Variants in TMPRSS12 observed in about 807,000 individuals in gnomAD.
TMPRSS12 encodes the protein transmembrane serine protease 12.
TMPRSS12 carries 25 observed loss-of-function variants against 26.0 expected under a neutral mutation model. The observed-to-expected ratio is 0.96, with a 90% CI of 0.70 to 1.34. The LOEUF is 1.34. Among genes scored for constraint, TMPRSS12 ranks in the 40% most tolerant of loss-of-function variants. TMPRSS12 has a pLI of 0.00. For missense variants in TMPRSS12, 441 were observed against 440.1 expected (o/e 1.00, Z -0.02); for synonymous variants, 150 against 161.7 (o/e 0.93, Z 0.55).
At chr12:50,845,080 G>C (rs1364341994) in intron 2 of TMPRSS12, among the ~76,000 whole-genome samples, 1 of 152,130 alleles carries the variant, frequency 6.6e-6, no homozygotes, top group East Asian at 1.9e-4. Context: ...GAAAACAAGA[G>C]ACATGCCAGA....
intron 3 of TMPRSS12, among the ~76,000 whole-genome samples, chr12:50,876,242 C>G (rs572327367): frequency 6.6e-6 from 1 of 151,864 alleles, no homozygotes; most frequent in South Asian, 2.1e-4. Context: ...CTAAAAAAAC[C>G]AAAAAACATG....
In TMPRSS12 at chr12:50,847,137, C is replaced by T. The variant is rs1384066697; in HGVS notation, c.383+3100C>T. Among the ~76,000 whole-genome samples, 4 of 146,118 alleles carry T rather than the reference C, an allele frequency of 2.7e-5. No homozygotes were observed. The South Asian group carries it at 8.7e-4, about 32-fold the overall frequency. ...GCAGTGGCGCGATCTCGGCTCACTGCAAGCTCCGCCTCCCGGGTTCAGGCC... is the reference window on the plus strand; with the variant it reads ...GCAGTGGCGCGATCTCGGCTCACTGTAAGCTCCGCCTCCCGGGTTCAGGCC... On this transcript the variant is annotated intron_variant, in intron 2 of 4. Coordinates refer to ENST00000398458, the MANE Select transcript of TMPRSS12 (RefSeq NM_182559.3).
chr12:50,884,630 G>A (rs1192381735), intron 3 of TMPRSS12, among the ~76,000 whole-genome samples: 1 of 152,070 alleles, frequency 6.6e-6, no homozygotes, highest in East Asian at 1.9e-4. Context: ...CTAGCACTTT[G>A]GGAGGCCGAG....
intron 3 of TMPRSS12, among the ~76,000 whole-genome samples, chr12:50,877,841 C>T (rs941219296): frequency 5.3e-5 from 8 of 152,156 alleles, no homozygotes; most frequent in African/African-American, 1.7e-4. Context: ...AACTCCTGGC[C>T]TCAAGTGATC....
chr12:50,877,330 C>T (rs1034991947), intron 3 of TMPRSS12, among the ~76,000 whole-genome samples: 1 of 152,130 alleles, frequency 6.6e-6, no homozygotes, highest in African/African-American at 2.4e-5. Flanking sequence ...GAATGCTTTC[C>T]CTATAAAATC....
chr12:50,871,523 A>T (rs1297294228), intron 3 of TMPRSS12, among the ~76,000 whole-genome samples: 1 of 152,214 alleles, frequency 6.6e-6, no homozygotes. Context: ...ACCCTTCTAG[A>T]TATTGGCTTA....
chr12:50,874,805 C>A (rs1938097599), intron 3 of TMPRSS12, among the ~76,000 whole-genome samples: 1 of 151,690 alleles, frequency 6.6e-6, no homozygotes, highest in Admixed American at 6.6e-5. Flanking sequence ...AATGCGATGT[C>A]ATTTAAAATA....
Position 50,887,303 on chromosome 12 carries a change from T to C in TMPRSS12, c.837T>C (p.Tyr279=), listed in dbSNP as rs754724121. 5.6e-6 allele frequency: 9 copies of C among 1,613,756 alleles called. No individual in the cohort carries two copies. Residue 279 remains tyrosine, a synonymous_variant, in exon 5 of 5, where the codon TAT becomes TAC. Transcript: ENST00000398458. ...CATTAATGTGCTACTTACCAGAATATAAAAGATTTTTTGTAATGGGAATTA... is the reference window on the plus strand; with the variant it reads ...CATTAATGTGCTACTTACCAGAATACAAAAGATTTTTTGTAATGGGAATTA... ...GGPLMCYLPE[Y]KRFFVMGITS... is the part of the protein sequence containing the mutation.
At chr12:50,849,310 A>T (rs552146266) in intron 2 of TMPRSS12, among the ~76,000 whole-genome samples, 14 of 152,316 alleles carry the variant, frequency 9.2e-5, no homozygotes, top group Non-Finnish European at 2.1e-4. Context: ...CCTAACTCAC[A>T]TTAGTAGAAA....
At position 50,858,873 on chromosome 12, in the gene TMPRSS12, A is replaced by AT; in HGVS notation, c.474dup (p.Ile159TyrfsTer13). On this transcript the variant is annotated frameshift_variant, in exon 3 of 5. Transcript: ENST00000398458. LOFTEE classifies it high-confidence loss of function. ...CAAGAAGATAAAAATTAAAGCAATCATTATTCATCCAAACTTCATTTTGGA... is the reference window on the plus strand; with the variant it reads ...CAAGAAGATAAAAATTAAAGCAATCATTTATTCATCCAAACTTCATTTTGGA... 6.3e-7 allele frequency: 1 copy of AT among 1,598,346 alleles called. No individual in the cohort carries two copies. The highest frequency in any genetic ancestry group is 8.5e-7 in the Non-Finnish European group (1 of 1,171,390).
chr12:50,858,302 A>G (rs1282586289), intron 2 of TMPRSS12, among the ~76,000 whole-genome samples: 2 of 152,196 alleles, frequency 1.3e-5, no homozygotes, highest in African/African-American at 2.4e-5. Flanking sequence ...TGTTTCACCT[A>G]TACCCTCACC....
chr12:50,847,311 C>T, intron 2 of TMPRSS12, among the ~76,000 whole-genome samples: 1 of 152,006 alleles, frequency 6.6e-6, no homozygotes, highest in South Asian at 2.1e-4. Flanking sequence ...CCCGTCTCGG[C>T]CTCCCAAAGT....
At chr12:50,880,833 T>C (rs1194655221) in intron 3 of TMPRSS12, among the ~76,000 whole-genome samples, 1 of 151,960 alleles carries the variant, frequency 6.6e-6, no homozygotes, top group East Asian at 1.9e-4. Flanking sequence ...TATCCTGCAA[T>C]ATAGATGAAC....
At chr12:50,865,018 C>T (rs180734703) in intron 3 of TMPRSS12, among the ~76,000 whole-genome samples, 80 of 152,174 alleles carry the variant, frequency 5.3e-4, no homozygotes, top group Non-Finnish European at 1.0e-3. Context: ...AAATGAAAAA[C>T]GTAATTGCTA....
intron 3 of TMPRSS12, among the ~76,000 whole-genome samples, chr12:50,864,743 C>T (rs1287947189): frequency 2.6e-5 from 4 of 152,088 alleles, no homozygotes; most frequent in African/African-American, 7.2e-5. Flanking sequence ...CTGCAAGCTC[C>T]ACCTCCAGGG....
At chr12:50,849,412 A>G (rs1404333110) in intron 2 of TMPRSS12, among the ~76,000 whole-genome samples, 4 of 152,226 alleles carry the variant, frequency 2.6e-5, no homozygotes, top group Non-Finnish European at 5.9e-5. Context: ...ATGCAGTAAA[A>G]TTCACCTTTT....
intron 3 of TMPRSS12, among the ~76,000 whole-genome samples, chr12:50,873,247 C>T (rs929295214): frequency 6.6e-6 from 1 of 152,048 alleles, no homozygotes; most frequent in South Asian, 2.1e-4. Flanking sequence ...GTATACTTCT[C>T]AGGTGATGGT....
intron 2 of TMPRSS12, among the ~76,000 whole-genome samples, chr12:50,846,833 G>A (rs1368623339): frequency 6.6e-6 from 1 of 151,998 alleles, no homozygotes; most frequent in Non-Finnish European, 1.5e-5. Context: ...TCCCAGTTTG[G>A]CCTCCCAAAG....
chr12:50,870,668 G>C (rs1938033860), intron 3 of TMPRSS12, among the ~76,000 whole-genome samples: 1 of 152,146 alleles, frequency 6.6e-6, no homozygotes, highest in African/African-American at 2.4e-5. Context: ...AAGTGTCACT[G>C]TTTGCTGACA....
Sources: gnomAD v4.1 joint callset for allele counts (sites outside exome capture counted in the v4.1 genomes callset) on GRCh38, gnomAD v4.1.1 for gene constraint, MANE v1.5 for transcripts, NCBI Gene and HGNC (gene_info 2026-07-23, HGNC 2026-07-21) for gene names.